EFCAB5: variants seen among roughly 807,000 people sequenced by gnomAD.
EFCAB5 encodes the protein EF-hand calcium binding domain 5.
A neutral mutation model predicts 167.9 loss-of-function variants in EFCAB5; 131 were observed. The ratio of observed to expected loss-of-function variants is 0.78; its 90% CI spans 0.68 to 0.90. The LOEUF (loss-of-function observed/expected upper bound fraction) is 0.90. Among genes scored for constraint, EFCAB5 ranks in the 40% least tolerant of loss-of-function variants. The probability of loss-of-function intolerance (pLI) is 0.00; values close to 1 mark genes in which losing one functional copy is unlikely to be tolerated. For synonymous variants in EFCAB5, 574 were observed against 602.8 expected (o/e 0.95, Z 0.70); for missense variants, 1,663 against 1,745.2 (o/e 0.95, Z 0.84).
At chr17:30,022,501 A>C (rs2069205107) in intron 7 of EFCAB5, among the ~76,000 whole-genome samples, 1 of 152,192 alleles carries the variant, frequency 6.6e-6, no homozygotes, top group Non-Finnish European at 1.5e-5. Context: ...ATTATAAACT[A>C]GTATATTCAT....
At chr17:30,034,951 C>G (rs4575590) in intron 8 of EFCAB5, among the ~76,000 whole-genome samples, 94,477 of 152,080 alleles carry the variant, frequency 0.62, 31,613 homozygotes, top group African/African-American at 0.88. Flanking sequence ...GTGCTGAAGT[C>G]AAAATCTTTC....
intron 22 of EFCAB5, among the ~76,000 whole-genome samples, chr17:30,093,506 A>G (rs914687274): frequency 1.3e-5 from 2 of 152,176 alleles, no homozygotes; most frequent in African/African-American, 2.4e-5. Context: ...CATAATTGGG[A>G]AAATGGCTCT....
At chr17:29,957,722 T>C (rs1052059165) in intron 3 of EFCAB5, among the ~76,000 whole-genome samples, 3 of 152,214 alleles carry the variant, frequency 2.0e-5, no homozygotes, top group African/African-American at 7.2e-5. Context: ...CTTTATCCAT[T>C]CTATCATTGA....
chr17:29,998,524 A>G (rs1299160045), intron 6 of EFCAB5, among the ~76,000 whole-genome samples: 2 of 152,250 alleles, frequency 1.3e-5, no homozygotes, highest in Admixed American at 6.5e-5. Context: ...AACTCCAGTC[A>G]GAGACAGACA....
chr17:30,059,156 C>CTGTTT (rs1418950222), intron 13 of EFCAB5: 2 of 152,384 alleles, frequency 1.3e-5, no homozygotes, highest in Non-Finnish European at 2.9e-5. Flanking sequence ...CCAAGAATGT[C>CTGTTT]TGTTTTGTTT....
At chr17:30,059,369 G>C (rs1175656379) in intron 13 of EFCAB5, 176 bp from the exon 14 acceptor site, 7 of 517,120 alleles carry the variant, frequency 1.4e-5, no homozygotes, top group Admixed American at 8.0e-5. Flanking sequence ...TGAGTGGCTG[G>C]CTTTACAGGG....
At chr17:30,004,619 G>C (rs1000512782) in intron 7 of EFCAB5, among the ~76,000 whole-genome samples, 2 of 147,318 alleles carry the variant, frequency 1.4e-5, no homozygotes, top group South Asian at 4.3e-4. Flanking sequence ...AACTCTGTGG[G>C]CACTTTTTTT....
At chr17:29,948,320 T>G (rs1031650245) in intron 3 of EFCAB5, among the ~76,000 whole-genome samples, 6 of 152,170 alleles carry the variant, frequency 3.9e-5, no homozygotes, top group African/African-American at 1.4e-4. Context: ...TCTTTCCTCT[T>G]CTTCTACTTT....
chr17:30,050,704 A>G (rs2070067019), intron 8 of EFCAB5, among the ~76,000 whole-genome samples: 1 of 152,224 alleles, frequency 6.6e-6, no homozygotes, highest in Non-Finnish European at 1.5e-5. Flanking sequence ...TTGGGAACAC[A>G]TATGTTAATT....
chr17:30,059,265 T>A lies in EFCAB5; in HGVS notation c.2581-280T>A, dbSNP rs4994354. Reference sequence around the variant, plus strand: ...ACTGCATTTTCTTTTCTAAAAATTTTTAAAAAAAATTTTTTTTAAGACTGA... The same window carrying A: ...ACTGCATTTTCTTTTCTAAAAATTTATAAAAAAAATTTTTTTTAAGACTGA... On this transcript the variant is annotated intron_variant, in intron 13 of 22. Coordinates refer to ENST00000394835, the MANE Select transcript of EFCAB5 (RefSeq NM_198529.4). 2.6e-3 allele frequency: 527 copies of A among 200,588 alleles called. 5 individuals are homozygous for A. The East Asian group carries it at 0.026, about 10-fold the overall frequency. The allele number at this position is 200,588 out of a possible 1,614,324, so 12.4% of individuals were successfully genotyped here.
chr17:30,022,247 C>T (rs200732529), intron 7 of EFCAB5, among the ~76,000 whole-genome samples: 1 of 152,082 alleles, frequency 6.6e-6, no homozygotes, highest in African/African-American at 2.4e-5. Flanking sequence ...TTACTCAATA[C>T]AATAATGCAT....
At chr17:30,094,735 G>A (rs2071265153) in intron 22 of EFCAB5, among the ~76,000 whole-genome samples, 2 of 152,060 alleles carry the variant, frequency 1.3e-5, no homozygotes. Context: ...GAAACTCTAG[G>A]CAGCTGTGTC....
intron 22 of EFCAB5, 114 bp downstream of exon 22, chr17:30,093,050 G>C: frequency 1.5e-6 from 1 of 673,612 alleles, no homozygotes; most frequent in South Asian, 2.2e-5. Context: ...GGAGAAAATA[G>C]TTATAAGTCT....
At chr17:30,015,306 G>A (rs2069007891) in intron 7 of EFCAB5, among the ~76,000 whole-genome samples, 1 of 152,138 alleles carries the variant, frequency 6.6e-6, no homozygotes, top group Non-Finnish European at 1.5e-5. Flanking sequence ...GAGTATCTTT[G>A]TGGTGTTCTC....
At chr17:30,092,757 G>T in intron 21 of EFCAB5, 83 bp from the exon 22 acceptor site, 1 of 882,268 alleles carries the variant, frequency 1.1e-6, no homozygotes, top group East Asian at 2.7e-5. Flanking sequence ...CTATATAAAT[G>T]GAATTATGTA....
intron 14 of EFCAB5, among the ~76,000 whole-genome samples, chr17:30,060,698 A>G (rs2070401967): frequency 6.6e-6 from 1 of 152,252 alleles, no homozygotes; most frequent in Non-Finnish European, 1.5e-5. Flanking sequence ...TACAAACTTT[A>G]CATTATACTA....
chr17:29,979,094 G>A (rs1172888675), intron 4 of EFCAB5, among the ~76,000 whole-genome samples: 2 of 152,168 alleles, frequency 1.3e-5, no homozygotes, highest in Admixed American at 6.5e-5. Flanking sequence ...GCTCACGCCT[G>A]TAATCTCAGC....
chr17:30,097,014 A>ATATACATATACATATACATATACG lies in EFCAB5; in HGVS notation c.4321+4101_4321+4102insGTATACATATACATATACATATAC, dbSNP rs1555573707. 3.0e-3 allele frequency among the ~76,000 whole-genome samples: 356 copies of ATATACATATACATATACATATACG among 117,668 alleles called. 6 individuals carry two copies. Among genetic ancestry groups the ATATACATATACATATACATATACG allele is most frequent in the African/African-American group, 0.014 (343 of 25,016 alleles). 77.2% of individuals were successfully genotyped at this position (117,668 alleles called of 152,430 possible). On this transcript the variant is annotated intron_variant, in intron 22 of 22. Transcript: ENST00000394835. ...CATATACATATACATATACATATAC[A>ATATACATATACATATACATATACG]TATACATATACATATACATATACAT...
chr17:30,064,126 T>C (rs556186334), intron 14 of EFCAB5, among the ~76,000 whole-genome samples: 1 of 152,236 alleles, frequency 6.6e-6, no homozygotes, highest in East Asian at 1.9e-4. Flanking sequence ...CAAGGAAATA[T>C]GGCACTACCA....
Sources: gnomAD v4.1 joint callset for allele counts (sites outside exome capture counted in the v4.1 genomes callset) on GRCh38, gnomAD v4.1.1 for gene constraint, MANE v1.5 for transcripts, NCBI Gene and HGNC (gene_info 2026-07-23, HGNC 2026-07-21) for gene names.